The following LRRC38 variants were observed in gnomAD, a reference collection of about 807,000 sequenced individuals.
LRRC38 encodes leucine-rich repeat-containing protein 38.
LRRC38 carries 5 observed loss-of-function variants against 16.4 expected under a neutral mutation model. The ratio of observed to expected loss-of-function variants is 0.31; its 90% CI spans 0.16 to 0.64. The LOEUF (loss-of-function observed/expected upper bound fraction) is 0.64. Among genes scored for constraint, LRRC38 ranks in the 30% least tolerant of loss-of-function variants. The pLI is 0.80. For missense variants in LRRC38, 341 were observed against 401.8 expected, an observed-to-expected ratio of 0.85 and a Z score of 1.29; for synonymous variants, 191 against 190.2, an observed-to-expected ratio of 1.00 and a Z score of -0.04.
intron 1 of LRRC38, among the ~76,000 whole-genome samples, chr1:13,502,333 T>C (rs1639160819): frequency 1.3e-5 from 2 of 152,166 alleles, no homozygotes; most frequent in Non-Finnish European, 2.9e-5. Flanking sequence ...TCTATCCTTC[T>C]GGTCACTTTT....
intron 1 of LRRC38, among the ~76,000 whole-genome samples, chr1:13,484,683 G>A (rs759986614): frequency 2.0e-5 from 3 of 152,200 alleles, no homozygotes; most frequent in Non-Finnish European, 4.4e-5. Context: ...CTTGGGAGGT[G>A]GAAACTCTCA....
intron 1 of LRRC38, among the ~76,000 whole-genome samples, chr1:13,491,486 T>C (rs1428224068): frequency 6.6e-6 from 1 of 151,956 alleles, no homozygotes; most frequent in Non-Finnish European, 1.5e-5. Context: ...GTGACCCCAC[T>C]CCTGGCTAAT....
intron 1 of LRRC38, among the ~76,000 whole-genome samples, chr1:13,504,882 GAAAC>G (rs1227212482): frequency 2.1e-5 from 3 of 145,192 alleles, no homozygotes; most frequent in African/African-American, 5.2e-5. Context: ...AAAGAAAAGA[GAAAC>G]AAAGAAAGAA....
At chr1:13,484,632 T>C (rs1638909625) in intron 1 of LRRC38, among the ~76,000 whole-genome samples, 1 of 152,192 alleles carries the variant, frequency 6.6e-6, no homozygotes. Flanking sequence ...TGCAACTCTC[T>C]GGAGTAGAGA....
chr1:13,483,600 C>A (rs770642037), intron 1 of LRRC38, among the ~76,000 whole-genome samples: 3 of 152,068 alleles, frequency 2.0e-5, no homozygotes, highest in Non-Finnish European at 2.9e-5. Flanking sequence ...CCTGGATGCC[C>A]TGAAATACAG....
At chr1:13,493,167 C>CT (rs144569616) in intron 1 of LRRC38, among the ~76,000 whole-genome samples, 4 of 151,456 alleles carry the variant, frequency 2.6e-5, no homozygotes, top group Non-Finnish European at 4.4e-5. Flanking sequence ...AATCAAGTTG[C>CT]TTTTTTTTTG....
intron 1 of LRRC38, among the ~76,000 whole-genome samples, chr1:13,485,020 G>A (rs1638913597): frequency 6.6e-6 from 1 of 152,182 alleles, no homozygotes; most frequent in Non-Finnish European, 1.5e-5. Flanking sequence ...GCTCACGCCT[G>A]TAATCCCAGC....
chr1:13,501,915 G>A (rs548038405), intron 1 of LRRC38, among the ~76,000 whole-genome samples: 3 of 151,240 alleles, frequency 2.0e-5, no homozygotes, highest in South Asian at 4.2e-4. Context: ...GGCACCTGCC[G>A]CCACACCTGG....
Position 13,475,775 on chromosome 1 carries a change from A to G in LRRC38, c.*71T>C. 1 of 1,511,960 alleles carries G rather than the reference A, an allele frequency of 6.6e-7. No homozygotes were observed. Among genetic ancestry groups the G allele is most frequent in the Non-Finnish European group, 8.9e-7 (1 of 1,126,618 alleles). The allele number at this position is 1,511,960 out of a possible 1,614,324, so 93.7% of individuals were successfully genotyped here. ...TGGCCAGTGCTTTTCCATTTTCAGC[A>G]TTTCCCTCTCGTCTTGGAGAGAGCT... On this transcript the variant is annotated 3_prime_UTR_variant, in exon 2 of 2. Transcript: ENST00000376085. The surrounding 1 kb of genome is among the most constrained non-coding windows in gnomAD (Gnocchi z 4.3).
chr1:13,484,231 A>G (rs932652266), intron 1 of LRRC38, among the ~76,000 whole-genome samples: 60 of 152,068 alleles, frequency 3.9e-4, no homozygotes, highest in African/African-American at 1.4e-3. Context: ...CACCTTCTCA[A>G]AGAGGCCTCC....
intron 1 of LRRC38, among the ~76,000 whole-genome samples, chr1:13,501,784 G>A (rs921095243): frequency 6.0e-5 from 9 of 149,114 alleles, no homozygotes; most frequent in African/African-American, 2.2e-4. Context: ...TTGTTTGTTT[G>A]TTTGTTTTTT....
chr1:13,478,445 T>C (rs1233098679), intron 1 of LRRC38, among the ~76,000 whole-genome samples: 1 of 152,222 alleles, frequency 6.6e-6, no homozygotes, highest in Non-Finnish European at 1.5e-5. Context: ...GCCATTTGGC[T>C]ATGGAAGCTT....
At chr1:13,510,920 T>C (rs558532262) in intron 1 of LRRC38, among the ~76,000 whole-genome samples, 236 of 152,228 alleles carry the variant, frequency 1.6e-3, no homozygotes, top group African/African-American at 5.4e-3. Flanking sequence ...TGCATGTGGC[T>C]TACAGTTTAG....
chr1:13,481,772 CCTCTCTCCCTCTCTCCCT>C (rs1398047241), intron 1 of LRRC38, among the ~76,000 whole-genome samples: 394 of 29,920 alleles, frequency 0.013, 5 homozygotes, highest in African/African-American at 0.075. Context: ...CCTCTCTCTC[CCTCTCTCCCTCTCTCCCT>C]CTCTCTCTCT....
chr1:13,506,895 A>AC (rs1639219535), intron 1 of LRRC38, among the ~76,000 whole-genome samples: 1 of 152,096 alleles, frequency 6.6e-6, no homozygotes. Context: ...AAAGGGCTTA[A>AC]CCCTTTGGGT....
intron 1 of LRRC38, among the ~76,000 whole-genome samples, chr1:13,496,632 C>G (rs1474286313): frequency 6.6e-6 from 1 of 152,130 alleles, no homozygotes; most frequent in Non-Finnish European, 1.5e-5. Flanking sequence ...ATCCACCCAC[C>G]GAGTCATTCA....
chr1:13,507,337 G>A (rs1040127840), intron 1 of LRRC38, among the ~76,000 whole-genome samples: 52 of 152,310 alleles, frequency 3.4e-4, no homozygotes, highest in African/African-American at 1.2e-3. Context: ...GACATGCACC[G>A]ACTCATCAAC....
At chr1:13,488,314 G>C (rs1298232060) in intron 1 of LRRC38, among the ~76,000 whole-genome samples, 1 of 150,498 alleles carries the variant, frequency 6.6e-6, no homozygotes, top group African/African-American at 2.5e-5. Context: ...TGTCGCCCAG[G>C]CTGGAGTATA....
At chr1:13,506,561 G>A (rs888846764) in intron 1 of LRRC38, among the ~76,000 whole-genome samples, 10 of 152,110 alleles carry the variant, frequency 6.6e-5, no homozygotes, top group Admixed American at 2.0e-4. Flanking sequence ...AGGTTCAAGC[G>A]ATTCTCCTGC....
Sources: gnomAD v4.1 joint callset for allele counts (sites outside exome capture counted in the v4.1 genomes callset) on GRCh38, gnomAD v4.1.1 for gene constraint, Gnocchi (gnomAD v3.1) non-coding constraint, MANE v1.5 for transcripts, NCBI Gene and HGNC (gene_info 2026-07-23, HGNC 2026-07-21) for gene names.